The following SPPL2B variants were observed in gnomAD, a reference collection of about 807,000 sequenced individuals.
SPPL2B encodes the protein signal peptide peptidase like 2B.
SPPL2B carries 39 observed loss-of-function variants against 59.7 expected under a neutral mutation model. That is an observed-to-expected ratio of 0.65 (90% confidence interval 0.51 to 0.85). The LOEUF (loss-of-function observed/expected upper bound fraction) is 0.85. Among genes scored for constraint, SPPL2B ranks in the 40% least tolerant of loss-of-function variants. The probability of loss-of-function intolerance (pLI) is 0.00; values close to 1 mark genes in which losing one functional copy is unlikely to be tolerated. For synonymous variants in SPPL2B, 419 were observed against 370.8 expected (o/e 1.13, Z -1.49); for missense variants, 865 against 849.0 (o/e 1.02, Z -0.23).
intron 3 of SPPL2B, chr19:2,338,083 T>C: frequency 6.2e-6 from 1 of 160,276 alleles, no homozygotes; most frequent in Non-Finnish European, 1.4e-5. Flanking sequence ...TTCCATCTTC[T>C]GTGAAATGGG....
chr19:2,345,298 C>T lies in SPPL2B; in HGVS notation c.1322C>T (p.Ser441Phe), dbSNP rs1387256041. 1 of 1,613,206 alleles carries T rather than the reference C, an allele frequency of 6.2e-7. No homozygotes were observed. The highest frequency in any genetic ancestry group is 8.5e-7 in the Non-Finnish European group (1 of 1,179,758). Residue 441 changes from serine to phenylalanine, a missense_variant, in exon 13 of 15, where the codon TCC becomes TTC. Coordinates refer to ENST00000613503, the MANE Select transcript of SPPL2B (RefSeq NM_152988.3). ...YCHRFDIQVQ[S>F]SRVYFVACTI... The stretch of plus-strand genomic sequence containing the variant: ...CACAGGTTTGACATCCAGGTACAGT[C>T]CTCCAGGGTATACTTCGTGGCCTGC...
Position 2,336,834 on chromosome 19 carries a change from CGT to C in SPPL2B, c.187-595_187-594del, listed in dbSNP as rs145207922. On this transcript the variant is annotated intron_variant, in intron 2 of 14. Transcript: ENST00000613503. ...GCGCTGGCCTGGCTGCGGCTATGTG[CGT>C]GTGTGTGTGTGTGCACTCCAGCCTG... 6.8e-3 allele frequency among the ~76,000 whole-genome samples: 923 copies of C among 136,136 alleles called. 9 individuals carry two copies. Among genetic ancestry groups the C allele is most frequent in the Middle Eastern group, 0.037 (8 of 214 alleles). The allele number at this position is 136,136 out of a possible 152,430, so 89.3% of individuals were successfully genotyped here.
Position 2,343,815 on chromosome 19 carries a change from C to T in SPPL2B, c.1039-150C>T. 8.0e-6 allele frequency: 5 copies of T among 625,478 alleles called. No homozygotes were observed. In the South Asian group the frequency reaches 9.3e-5, roughly 12 times the overall value. 38.7% of individuals were successfully genotyped at this position (625,478 alleles called of 1,614,324 possible). A position where few individuals can be genotyped will look rare whatever the true frequency, so the allele number is the denominator to read the frequency against. ...CCTACCTGATGTTGCTTCCAAAGCT[C>T]CTCCTGCGTGGTGCGTCCCTGGCAC... is the stretch of plus-strand genomic sequence containing the variant. On this transcript the variant is annotated intron_variant, in intron 9 of 14. Transcript: ENST00000613503.
intron 13 of SPPL2B, among the ~76,000 whole-genome samples, chr19:2,348,288 TCTCC>T (rs1258770156): frequency 8.5e-6 from 1 of 117,162 alleles, no homozygotes; most frequent in Non-Finnish European, 1.8e-5. Flanking sequence ...GATTCCGTTC[TCTCC>T]CTCCACACAC....
intron 2 of SPPL2B, 67 bp downstream of exon 2, chr19:2,334,788 A>T: frequency 6.9e-7 from 1 of 1,452,732 alleles, no homozygotes; most frequent in Non-Finnish European, 9.1e-7. Flanking sequence ...CTAGAGACAC[A>T]TCCGGCTGGG....
chr19:2,337,676 G>A (rs1968736347), intron 3 of SPPL2B, 51 bp downstream of exon 3: 3 of 1,477,148 alleles, frequency 2.0e-6, no homozygotes, highest in Admixed American at 2.3e-5. Flanking sequence ...GCAGGAGGGG[G>A]GTGCAGGAGG....
In SPPL2B at chr19:2,328,693, G is replaced by C. The variant is rs1284677534; in HGVS notation, c.-17G>C. ...CTGGGAAACATCTGCCGTTGGTTGC[G>C]GCGGGCACCGGCCGACATGGCGGCA... On this transcript the variant is annotated 5_prime_UTR_variant, in exon 1 of 15. Coordinates refer to ENST00000613503, the MANE Select transcript of SPPL2B (RefSeq NM_152988.3). 2.1e-6 allele frequency: 3 copies of C among 1,433,340 alleles called. No homozygotes were observed. Among genetic ancestry groups the C allele is most frequent in the East Asian group, 2.8e-5 (1 of 35,366 alleles). The allele number at this position is 1,433,340 out of a possible 1,614,324, so 88.8% of individuals were successfully genotyped here.
chr19:2,347,428 T>C (rs1234713557), intron 13 of SPPL2B, among the ~76,000 whole-genome samples: 1 of 31,574 alleles, frequency 3.2e-5, no homozygotes, highest in Non-Finnish European at 5.3e-5. Flanking sequence ...CCTGATTCCG[T>C]TCTCTCTCTC....
At chr19:2,344,078 G>GCCCCCCCCCCCCCCCCCCCCCCC in intron 10 of SPPL2B, 39 bp downstream of exon 10, 1 of 1,283,606 alleles carries the variant, frequency 7.8e-7, no homozygotes, top group Non-Finnish European at 1.0e-6. Context: ...CCATCACCCC[G>GCCCCCCCCCCCCCCCCCCCCCCC]CTCCCCCGCC....
At chr19:2,328,879 T>C in intron 1 of SPPL2B, 104 bp downstream of exon 1, 1 of 1,059,778 alleles carries the variant, frequency 9.4e-7, no homozygotes, top group Non-Finnish European at 1.2e-6. Context: ...GTCTTGGGGG[T>C]CCAGCCTCGG....
chr19:2,328,721 G>A lies in SPPL2B; in HGVS notation c.12G>A (p.Ala4=), dbSNP rs1437134344. 8 of 1,451,952 alleles carry A rather than the reference G, an allele frequency of 5.5e-6. 1 individual carries two copies. Among genetic ancestry groups the A allele is most frequent in the African/African-American group, 1.5e-5 (1 of 66,936 alleles). The allele number at this position is 1,451,952 out of a possible 1,614,324, so 89.9% of individuals were successfully genotyped here. Residue 4 remains alanine (A), a synonymous_variant, in exon 1 of 15, where the codon GCG becomes GCA. Coordinates refer to ENST00000613503, the MANE Select transcript of SPPL2B (RefSeq NM_152988.3). The part of the protein sequence containing the change: MAA[A]VAAALARLLA... Reference sequence around the variant, plus strand: ...GGGCACCGGCCGACATGGCGGCAGCGGTGGCGGCTGCGCTGGCGCGGCTTT... The same window carrying A: ...GGGCACCGGCCGACATGGCGGCAGCAGTGGCGGCTGCGCTGGCGCGGCTTT...
chr19:2,342,181 G>A (rs905332500), intron 8 of SPPL2B: 3 of 153,544 alleles, frequency 2.0e-5, no homozygotes, highest in Non-Finnish European at 4.3e-5. Flanking sequence ...CCAGCGGGGA[G>A]GGGACTCTGG....
chr19:2,336,288 G>A lies in SPPL2B; in HGVS notation c.187-1155G>A, dbSNP rs962391928. 1.2e-3 allele frequency among the ~76,000 whole-genome samples: 10 copies of A among 8,346 alleles called. No homozygotes were observed. In the Admixed American group the frequency reaches 0.013, roughly 11 times the overall value. 5.5% of individuals were successfully genotyped at this position (8,346 alleles called of 152,430 possible). On this transcript the variant is annotated intron_variant, in intron 2 of 14. Coordinates refer to ENST00000613503, the MANE Select transcript of SPPL2B (RefSeq NM_152988.3). ...TGGATGTGTGAGTGCATGTGTGTCTGTATGTGTGCAGGTGTGTGTAAGCAT... is the reference window on the plus strand; with the variant it reads ...TGGATGTGTGAGTGCATGTGTGTCTATATGTGTGCAGGTGTGTGTAAGCAT...
At chr19:2,337,670 G>A (rs1299384594) in intron 3 of SPPL2B, 45 bp downstream of exon 3, 10 of 1,496,054 alleles carry the variant, frequency 6.7e-6, no homozygotes, top group African/African-American at 2.8e-5. Flanking sequence ...TCAGGGGCAG[G>A]AGGGGGGTGC....
At chr19:2,337,408 TCACGTGAGACAA>T in intron 2 of SPPL2B, 23 bp from the exon 3 acceptor site, 4 of 1,547,338 alleles carry the variant, frequency 2.6e-6, no homozygotes, top group Non-Finnish European at 3.5e-6. Flanking sequence ...GTGACTCACA[TCACGTGAGACAA>T]CACTGTGCCC....
chr19:2,353,207 T>C lies in SPPL2B; in HGVS notation c.1777T>C (p.Ter593GlnextTer107). 7 of 1,594,792 alleles carry C rather than the reference T, an allele frequency of 4.4e-6. No individual in the cohort carries two copies. Among genetic ancestry groups the C allele is most frequent in the Non-Finnish European group, 4.3e-6 (5 of 1,176,276 alleles). The stretch of plus-strand genomic sequence containing the variant: ...GGTAACCCAGCCTGGCGCCTCGGCC[T>C]AGGGGAGGGGTGAGACGCTCGCTGC... ...SPVTQPGASA* is the reference protein window; with the variant it reads ...SPVTQPGASAQ Residue 593 changes from the stop codon to glutamine, a stop_lost, in exon 15 of 15, where the codon TAG (stop) becomes CAG (glutamine). Transcript: ENST00000613503.
intron 13 of SPPL2B, 138 bp from the exon 14 acceptor site, chr19:2,351,296 G>A (rs758626614): frequency 2.9e-6 from 2 of 685,038 alleles, no homozygotes; most frequent in African/African-American, 1.8e-5. Context: ...GGCCCTGCCG[G>A]CTGAACCCCC....
At position 2,351,689 on chromosome 19, in the gene SPPL2B, T is replaced by C. The variant is rs1036960662; in HGVS notation, c.1515+95T>C. On this transcript the variant is annotated intron_variant, in intron 14 of 14. Transcript: ENST00000613503. The stretch of plus-strand genomic sequence containing the variant: ...TGAGACCTCCAGCCACAGCCAGCCC[T>C]GCGGCCGCGACGGGGCTCAGGGTCC... The C allele has an allele frequency of 4.7e-6, 7 of 1,501,646 alleles. No individual in the cohort carries two copies. The African/African-American group carries it at 6.9e-5, about 15-fold the overall frequency. 93.0% of individuals were successfully genotyped at this position (1,501,646 alleles called of 1,614,324 possible). A position where few individuals can be genotyped will look rare whatever the true frequency, so the allele number is the denominator to read the frequency against.
chr19:2,343,884 AGGAGGCGCTG>A (rs1306351039), intron 9 of SPPL2B, 71 bp from the exon 10 acceptor site: 1 of 1,074,176 alleles, frequency 9.3e-7, no homozygotes, highest in Non-Finnish European at 1.4e-6. Flanking sequence ...GCCTCCCAGG[AGGAGGCGCTG>A]GGCCTCATGA....
Sources: allele counts gnomAD v4.1 joint callset (sites outside exome capture counted in the v4.1 genomes callset), GRCh38; gene constraint gnomAD v4.1.1; transcripts MANE v1.5; gene names NCBI Gene and HGNC (gene_info 2026-07-23, HGNC 2026-07-21).